GRM7: variants seen among roughly 807,000 people sequenced by gnomAD.
GRM7 encodes metabotropic glutamate receptor 7.
A neutral mutation model predicts 84.5 loss-of-function variants in GRM7; 35 were observed. The observed-to-expected ratio is 0.41, with a 90% CI of 0.32 to 0.55. The LOEUF is 0.55. Ranked by LOEUF, GRM7 falls within the 20% of genes least tolerant of loss-of-function variation. GRM7 has a pLI of 0.19. For synonymous variants in GRM7, 487 were observed against 455.1 expected (o/e 1.07, Z -0.89); for missense variants, 1,003 against 1,194.6 (o/e 0.84, Z 2.36).
intron 2 of GRM7, among the ~76,000 whole-genome samples, chr3:7,221,286 T>C (rs1250860560): frequency 6.6e-6 from 1 of 152,120 alleles, no homozygotes; most frequent in Non-Finnish European, 1.5e-5. Flanking sequence ...TAAAAGAAGA[T>C]TTTTAGTGTA....
At chr3:7,015,360 C>T (rs1284702636) in intron 1 of GRM7, among the ~76,000 whole-genome samples, 2 of 152,144 alleles carry the variant, frequency 1.3e-5, no homozygotes, top group African/African-American at 4.8e-5. Flanking sequence ...TCGATAGATA[C>T]TTGATGGGTA....
At chr3:7,133,536 T>C (rs1001439909) in intron 1 of GRM7, among the ~76,000 whole-genome samples, 1 of 152,178 alleles carries the variant, frequency 6.6e-6, no homozygotes, top group African/African-American at 2.4e-5. Flanking sequence ...ATCACCAAGT[T>C]TGAGAAATCC....
intron 7 of GRM7, 68 bp from the exon 8 acceptor site, chr3:7,578,354 T>G (rs1243292159): frequency 2.9e-6 from 3 of 1,024,854 alleles, no homozygotes; most frequent in Non-Finnish European, 2.9e-6. Context: ...TACTGTTTGC[T>G]GCTGGTGTTC....
chr3:7,689,569 G>A (rs1174897290), intron 9 of GRM7, among the ~76,000 whole-genome samples: 1 of 152,130 alleles, frequency 6.6e-6, no homozygotes, highest in Non-Finnish European at 1.5e-5. Context: ...TGATATCTCA[G>A]CATATCTTCA....
At chr3:7,095,428 G>T (rs140286046) in intron 1 of GRM7, among the ~76,000 whole-genome samples, 1 of 152,118 alleles carries the variant, frequency 6.6e-6, no homozygotes, top group African/African-American at 2.4e-5. Context: ...GGAATGATTG[G>T]GTTTGGCAAG....
chr3:7,522,870 A>G (rs1700650573), intron 7 of GRM7, among the ~76,000 whole-genome samples: 1 of 151,736 alleles, frequency 6.6e-6, no homozygotes, highest in Non-Finnish European at 1.5e-5. Flanking sequence ...TGTGCCCCTT[A>G]TGATGGGATT....
At chr3:7,561,884 C>G (rs1694042558) in intron 7 of GRM7, among the ~76,000 whole-genome samples, 1 of 152,088 alleles carries the variant, frequency 6.6e-6, no homozygotes, top group South Asian at 2.1e-4. Flanking sequence ...AGCCTTCTGC[C>G]AAACTCCACA....
intron 7 of GRM7, among the ~76,000 whole-genome samples, chr3:7,465,926 A>G (rs1349598408): frequency 6.6e-6 from 1 of 152,040 alleles, no homozygotes; most frequent in African/African-American, 2.4e-5. Context: ...ATGTACCCTC[A>G]CTACACTCTG....
intron 7 of GRM7, among the ~76,000 whole-genome samples, chr3:7,554,969 G>A (rs1270455157): frequency 6.6e-6 from 1 of 152,170 alleles, no homozygotes; most frequent in Non-Finnish European, 1.5e-5. Context: ...TCTTAGGGTG[G>A]TCAGAAAGGG....
At chr3:7,262,389 C>G (rs983403966) in intron 2 of GRM7, among the ~76,000 whole-genome samples, 1 of 152,076 alleles carries the variant, frequency 6.6e-6, no homozygotes, top group African/African-American at 2.4e-5. Flanking sequence ...TTGGTCTATT[C>G]TGTTGTTAAT....
intron 2 of GRM7, among the ~76,000 whole-genome samples, chr3:7,220,199 T>C (rs534966637): frequency 6.6e-6 from 1 of 152,306 alleles, no homozygotes; most frequent in South Asian, 2.1e-4. Flanking sequence ...GGGCTACACA[T>C]GGTGACTTCT....
chr3:6,996,444 G>A (rs943666649), intron 1 of GRM7, among the ~76,000 whole-genome samples: 5 of 152,188 alleles, frequency 3.3e-5, no homozygotes, highest in Admixed American at 6.5e-5. Flanking sequence ...AGTTTTAAGA[G>A]TAATTTGTAA....
intron 5 of GRM7, among the ~76,000 whole-genome samples, chr3:7,421,596 G>A (rs538378105): frequency 3.4e-4 from 52 of 152,006 alleles, no homozygotes; most frequent in African/African-American, 1.1e-3. Flanking sequence ...ATCCTTCGGC[G>A]TGCATGATTT....
intron 4 of GRM7, among the ~76,000 whole-genome samples, chr3:7,369,932 C>T (rs1451603002): frequency 2.6e-5 from 4 of 152,002 alleles, no homozygotes; most frequent in Non-Finnish European, 4.4e-5. Context: ...CCGATCTAGT[C>T]GAGGATCCCA....
At chr3:7,184,324 G>A (rs948695738) in intron 2 of GRM7, among the ~76,000 whole-genome samples, 1 of 151,808 alleles carries the variant, frequency 6.6e-6, no homozygotes, top group African/African-American at 2.4e-5. Context: ...TTTAAATATA[G>A]CTCCTTGCCT....
At chr3:7,371,494 T>C (rs919956850) in intron 4 of GRM7, among the ~76,000 whole-genome samples, 20 of 152,232 alleles carry the variant, frequency 1.3e-4, no homozygotes, top group Admixed American at 5.2e-4. Flanking sequence ...GGCAACAAAA[T>C]GGAGGTTGGT....
intron 1 of GRM7, among the ~76,000 whole-genome samples, chr3:6,939,612 A>G (rs1697817436): frequency 6.6e-6 from 1 of 152,176 alleles, no homozygotes; most frequent in Non-Finnish European, 1.5e-5. Context: ...ACTCTGTGTC[A>G]AAAAGCTCCA....
chr3:7,208,519 G>A (rs1696314377), intron 2 of GRM7, among the ~76,000 whole-genome samples: 2 of 152,134 alleles, frequency 1.3e-5, no homozygotes, highest in Admixed American at 6.5e-5. Flanking sequence ...TGTGTATCAG[G>A]TTCTGTGCTG....
Position 7,467,170 on chromosome 3 carries a change from C to G in GRM7, c.1515+5448C>G, listed in dbSNP as rs189798426. On this transcript the variant is annotated intron_variant, in intron 7 of 9. Transcript: ENST00000357716. The stretch of plus-strand genomic sequence containing the variant: ...TGGCGCGATCTTGGCTCACTGCAAC[C>G]TCCGCCTCCCAGGTTCAAACGACTC... Among the ~76,000 whole-genome samples, 308 of 152,266 alleles carry G rather than the reference C, an allele frequency of 2.0e-3. 3 individuals are homozygous for G. Among genetic ancestry groups the G allele is most frequent in the African/African-American group, 7.0e-3 (290 of 41,546 alleles).
Sources: gnomAD v4.1 joint callset for allele counts (sites outside exome capture counted in the v4.1 genomes callset) on GRCh38, gnomAD v4.1.1 for gene constraint, MANE v1.5 for transcripts, NCBI Gene and HGNC (gene_info 2026-07-23, HGNC 2026-07-21) for gene names.